Variants in LRRC7 observed in about 807,000 individuals in gnomAD.
The protein encoded by LRRC7 is leucine rich repeat containing 7.
Under a neutral mutation model 175.7 loss-of-function variants are expected in LRRC7, and 23 were observed. That is an observed-to-expected ratio of 0.13 (90% CI 0.09 to 0.19). The LOEUF is 0.19. Ranked by LOEUF, LRRC7 falls within the 10% of genes least tolerant of loss-of-function variation. LRRC7 has a pLI of 1.00. For missense variants in LRRC7, 1,354 were observed against 1,904.7 expected, an observed-to-expected ratio of 0.71 and a Z score of 5.38; for synonymous variants, 685 against 680.9, an observed-to-expected ratio of 1.01 and a Z score of -0.09.
intron 4 of LRRC7, among the ~76,000 whole-genome samples, chr1:69,812,856 G>A (rs1336383982): frequency 2.6e-5 from 4 of 152,092 alleles, no homozygotes; most frequent in Non-Finnish European, 5.9e-5. Flanking sequence ...TTGTTAAGAA[G>A]TATGTTATGT....
chr1:69,943,336 A>G (rs1648937899), intron 8 of LRRC7, among the ~76,000 whole-genome samples: 1 of 152,140 alleles, frequency 6.6e-6, no homozygotes, highest in South Asian at 2.1e-4. Context: ...CATTATGCCA[A>G]CTAAAAGAAG....
chr1:69,928,518 C>T (rs1647166216), intron 7 of LRRC7, among the ~76,000 whole-genome samples: 1 of 152,212 alleles, frequency 6.6e-6, no homozygotes, highest in South Asian at 2.1e-4. Flanking sequence ...ATGGTGGGCG[C>T]CCCTCCCCCA....
At chr1:69,597,465 C>T (rs1297502220) in intron 1 of LRRC7, among the ~76,000 whole-genome samples, 8 of 152,128 alleles carry the variant, frequency 5.3e-5, no homozygotes, top group Non-Finnish European at 7.4e-5. Context: ...CTATTACATA[C>T]GGTTTTCCCA....
intron 26 of LRRC7, among the ~76,000 whole-genome samples, chr1:70,110,319 G>A (rs1267289283): frequency 6.6e-6 from 1 of 152,168 alleles, no homozygotes; most frequent in Non-Finnish European, 1.5e-5. Flanking sequence ...GTTGGAGGCT[G>A]TAGTGAGCTG....
chr1:69,669,333 A>T (rs1199875281), intron 1 of LRRC7, among the ~76,000 whole-genome samples: 1 of 152,258 alleles, frequency 6.6e-6, no homozygotes, highest in East Asian at 1.9e-4. Context: ...GGATGTTTTC[A>T]CTGAATATAG....
intron 17 of LRRC7, among the ~76,000 whole-genome samples, chr1:70,024,890 A>T (rs1247793142): frequency 6.6e-6 from 1 of 152,168 alleles, no homozygotes; most frequent in Non-Finnish European, 1.5e-5. Context: ...TTATAGTTTC[A>T]TCTTTAAAAA....
intron 8 of LRRC7, among the ~76,000 whole-genome samples, chr1:69,940,134 C>G (rs1648558106): frequency 6.6e-6 from 1 of 152,104 alleles, no homozygotes; most frequent in South Asian, 2.1e-4. Context: ...AATGAACTTT[C>G]TGGCTGAAAC....
intron 1 of LRRC7, among the ~76,000 whole-genome samples, chr1:69,653,271 ATAATT>A: frequency 9.2e-6 from 1 of 109,200 alleles, no homozygotes; most frequent in African/African-American, 3.7e-5. Flanking sequence ...AAGTGGGCAA[ATAATT>A]TAAAAACTTT....
chr1:69,740,634 C>T (rs145495646), intron 2 of LRRC7, among the ~76,000 whole-genome samples: 13 of 152,160 alleles, frequency 8.5e-5, no homozygotes, highest in African/African-American at 2.2e-4. Context: ...TACAGCTCTG[C>T]GTTTGCCTTA....
chr1:69,698,684 A>G (rs1371345002), intron 2 of LRRC7, among the ~76,000 whole-genome samples: 2 of 152,218 alleles, frequency 1.3e-5, no homozygotes, highest in African/African-American at 4.8e-5. Context: ...TCATGACACA[A>G]TTAAGATGTA....
At chr1:69,583,709 T>G (rs1171193083) in intron 1 of LRRC7, among the ~76,000 whole-genome samples, 2 of 152,174 alleles carry the variant, frequency 1.3e-5, no homozygotes, top group Non-Finnish European at 2.9e-5. Context: ...TATTCGTTAT[T>G]TTCAGCTACA....
chr1:70,043,945 T>C lies in LRRC7; in HGVS notation c.3970-9T>C, dbSNP rs1212040597. 6.3e-7 allele frequency: 1 copy of C among 1,597,818 alleles called. No homozygotes were observed. Among genetic ancestry groups the C allele is most frequent in the Non-Finnish European group, 8.6e-7 (1 of 1,167,512 alleles). ...CACACCCTGTCACATGATTATTTCC[T>C]CTACTCAGAATGCTGCTTACAAACA... is the stretch of plus-strand genomic sequence containing the variant. On this transcript the variant is annotated splice_polypyrimidine_tract_variant and intron_variant, in intron 21 of 26. Coordinates refer to ENST00000651989, the MANE Select transcript of LRRC7 (RefSeq NM_001370785.2).
rs563849578 is a variant in LRRC7, at chr1:69,790,744, A to T, written c.304-1299A>T. 4.4e-4 allele frequency among the ~76,000 whole-genome samples: 67 copies of T among 152,050 alleles called. 1 individual carries two copies. The Middle Eastern group carries it at 0.01, about 23-fold the overall frequency. ...TATTTAGAAGGAAAATTAATAGTAG[A>T]AACTATCCATCAAAGTATGCATCTG... On this transcript the variant is annotated intron_variant, in intron 3 of 26. Coordinates refer to ENST00000651989, the MANE Select transcript of LRRC7 (RefSeq NM_001370785.2).
intron 4 of LRRC7, among the ~76,000 whole-genome samples, chr1:69,792,646 G>A (rs1485292281): frequency 6.6e-6 from 1 of 151,988 alleles, no homozygotes; most frequent in Admixed American, 6.6e-5. Context: ...TCTCCTAACT[G>A]AGAATGTAAA....
chr1:69,593,505 G>GGT (rs1324860473), intron 1 of LRRC7, among the ~76,000 whole-genome samples: 2 of 151,914 alleles, frequency 1.3e-5, no homozygotes, highest in Non-Finnish European at 2.9e-5. Context: ...AAAAGATTTG[G>GGT]GTGTGTAAGA....
chr1:69,977,103 C>T (rs1652893703), intron 8 of LRRC7, among the ~76,000 whole-genome samples: 1 of 152,202 alleles, frequency 6.6e-6, no homozygotes, highest in Admixed American at 6.5e-5. Flanking sequence ...AACTGGAAGA[C>T]ATGTTTGTGC....
rs1465703989 is a variant in LRRC7 at position 70,135,355 on chromosome 1, A to G, written c.*13468A>G. On this transcript the variant is annotated 3_prime_UTR_variant, in exon 27 of 27. Coordinates refer to ENST00000651989, the MANE Select transcript of LRRC7 (RefSeq NM_001370785.2). ...TTTACCCATCTCCGTGCCATACTGT[A>G]GAACAAACATCATTTTTTTAGTTCT... Among the ~76,000 whole-genome samples the G allele has an allele frequency of 6.6e-6, 1 of 152,136 alleles. No individual in the cohort carries two copies. Among genetic ancestry groups the G allele is most frequent in the African/African-American group, 2.4e-5 (1 of 41,438 alleles).
At chr1:69,869,980 A>G (rs1685353270) in intron 7 of LRRC7, among the ~76,000 whole-genome samples, 1 of 152,138 alleles carries the variant, frequency 6.6e-6, no homozygotes, top group Admixed American at 6.6e-5. Context: ...CAAAGATTAT[A>G]TCTCAAGACA....
In LRRC7 at chr1:70,132,087, C is replaced by T. The variant is rs1406687660; in HGVS notation, c.*10200C>T. On this transcript the variant is annotated 3_prime_UTR_variant, in exon 27 of 27. Transcript: ENST00000651989. ...ACTGATACAGAGAATCAGAGAGGAACTGGATAAAAGAAATCAGATTCAGGC... is the reference window on the plus strand; with the variant it reads ...ACTGATACAGAGAATCAGAGAGGAATTGGATAAAAGAAATCAGATTCAGGC... The T allele has an allele frequency of 2.6e-5, 4 of 152,102 alleles. No individual in the cohort carries two copies. Among genetic ancestry groups the T allele is most frequent in the Non-Finnish European group, 4.4e-5 (3 of 68,016 alleles). 9.4% of individuals were successfully genotyped at this position (152,102 alleles called of 1,614,324 possible). A position where few individuals can be genotyped will look rare whatever the true frequency, so the allele number is the denominator to read the frequency against.
Sources: gnomAD v4.1 joint callset for allele counts (sites outside exome capture counted in the v4.1 genomes callset) on GRCh38, gnomAD v4.1.1 for gene constraint, MANE v1.5 for transcripts, NCBI Gene and HGNC (gene_info 2026-07-23, HGNC 2026-07-21) for gene names.